LYPLAL1: variants seen among roughly 807,000 people sequenced by gnomAD.
LYPLAL1 encodes the protein lysophospholipase like 1, also known as lysophospholipase-like protein 1.
In LYPLAL1, 23 loss-of-function variants were observed where a neutral mutation model predicts 19.7. The ratio of observed to expected loss-of-function variants is 1.17; its 90% CI spans 0.84 to 1.65. The LOEUF (loss-of-function observed/expected upper bound fraction) is 1.65, where lower values mean the gene tolerates loss of function less well. LYPLAL1 is among the 40% of genes most tolerant of loss of function. LYPLAL1 has a pLI of 0.00. For missense variants in LYPLAL1, 355 were observed against 279.4 expected (o/e 1.27, Z -1.93); for synonymous variants, 119 against 96.3 (o/e 1.24, Z -1.38).
chr1:219,331,233 T>C, the LYPLAL1 span, among the ~76,000 whole-genome samples: 3 of 152,150 alleles, frequency 2.0e-5, no homozygotes, highest in Non-Finnish European at 2.9e-5. Flanking sequence ...ATGACAACCA[T>C]TGCTTGAAGT....
At chr1:219,356,324 A>T in the LYPLAL1 span, among the ~76,000 whole-genome samples, 1 of 152,074 alleles carries the variant, frequency 6.6e-6, no homozygotes, top group Non-Finnish European at 1.5e-5. Context: ...ACAAGATGAA[A>T]CCCTGTCTCT....
chr1:219,188,000 A>G (rs973488110), intron 2 of LYPLAL1, among the ~76,000 whole-genome samples: 1 of 151,872 alleles, frequency 6.6e-6, no homozygotes, highest in Non-Finnish European at 1.5e-5. Context: ...CACAGTGTAG[A>G]TTTTATAAGA....
At chr1:219,443,660 A>G in the LYPLAL1 span, among the ~76,000 whole-genome samples, 1 of 142,880 alleles carries the variant, frequency 7.0e-6, no homozygotes, top group Non-Finnish European at 1.6e-5. Flanking sequence ...AAGTTGCTAC[A>G]GCATATTTTG....
chr1:219,318,542 A>G, the LYPLAL1 span, among the ~76,000 whole-genome samples: 1 of 152,190 alleles, frequency 6.6e-6, no homozygotes, highest in Non-Finnish European at 1.5e-5. Context: ...CCTAGGATGT[A>G]CTTAATAAAT....
chr1:219,185,891 A>G (rs770867010), intron 2 of LYPLAL1, among the ~76,000 whole-genome samples: 2 of 151,972 alleles, frequency 1.3e-5, no homozygotes, highest in African/African-American at 4.8e-5. Flanking sequence ...ACAGTAACAT[A>G]GTACTCTTCC....
At chr1:219,432,996 G>A in the LYPLAL1 span, among the ~76,000 whole-genome samples, 1 of 152,142 alleles carries the variant, frequency 6.6e-6, no homozygotes, top group Non-Finnish European at 1.5e-5. Context: ...AAGCTGCCCA[G>A]GGCAGGTGGA....
At chr1:219,372,977 G>A in the LYPLAL1 span, among the ~76,000 whole-genome samples, 1 of 152,106 alleles carries the variant, frequency 6.6e-6, no homozygotes, top group Non-Finnish European at 1.5e-5. Flanking sequence ...TTCAGAGATT[G>A]ATCACTAAGA....
chr1:219,194,127 G>A (rs1025335083), intron 3 of LYPLAL1, among the ~76,000 whole-genome samples: 9 of 151,816 alleles, frequency 5.9e-5, no homozygotes, highest in African/African-American at 1.7e-4. Context: ...CTGTCTTGGC[G>A]TTAGTTTCCA....
chr1:219,406,496 A>G, the LYPLAL1 span, among the ~76,000 whole-genome samples: 2 of 152,158 alleles, frequency 1.3e-5, no homozygotes, highest in Non-Finnish European at 2.9e-5. Context: ...TTTATTTTCT[A>G]CTAGGCTCTA....
At chr1:219,392,531 G>A in the LYPLAL1 span, among the ~76,000 whole-genome samples, 5 of 152,238 alleles carry the variant, frequency 3.3e-5, no homozygotes, top group Admixed American at 2.0e-4. Context: ...GATAGGTGTC[G>A]TATGCGTACT....
At chr1:219,210,497 A>G (rs550959056) in intron 3 of LYPLAL1, 35 bp from the exon 4 acceptor site, 3 of 509,280 alleles carry the variant, frequency 5.9e-6, no homozygotes, top group African/African-American at 3.6e-5. Context: ...TTATTATTTT[A>G]TGTATTCTAC....
the LYPLAL1 span, among the ~76,000 whole-genome samples, chr1:219,291,003 G>A: frequency 6.6e-6 from 1 of 152,144 alleles, no homozygotes; most frequent in Non-Finnish European, 1.5e-5. Flanking sequence ...AAGTTACTTA[G>A]TATCATTCTG....
At chr1:219,323,592 C>G in the LYPLAL1 span, among the ~76,000 whole-genome samples, 2,699 of 152,212 alleles carry the variant, frequency 0.018, 90 homozygotes, top group African/African-American at 0.061. Flanking sequence ...GGCTCTGTTA[C>G]GGCTGCTCCA....
the LYPLAL1 span, among the ~76,000 whole-genome samples, chr1:219,423,645 C>A: frequency 1.3e-5 from 2 of 152,000 alleles, no homozygotes; most frequent in Non-Finnish European, 1.5e-5. Context: ...CACTTTTATA[C>A]AATTATATGG....
chr1:219,258,093 G>T, the LYPLAL1 span, among the ~76,000 whole-genome samples: 2 of 152,032 alleles, frequency 1.3e-5, no homozygotes, highest in African/African-American at 4.8e-5. Context: ...CAGGCAGTCA[G>T]ACCTTATGGT....
At chr1:219,195,449 C>CA (rs1011406299) in intron 3 of LYPLAL1, among the ~76,000 whole-genome samples, 5 of 149,174 alleles carry the variant, frequency 3.4e-5, no homozygotes, top group African/African-American at 1.2e-4. Context: ...TCTTCATAAG[C>CA]AAAAAAATAG....
At chr1:219,423,276 T>A in the LYPLAL1 span, among the ~76,000 whole-genome samples, 1 of 150,004 alleles carries the variant, frequency 6.7e-6, no homozygotes, top group East Asian at 2.0e-4. Context: ...TACTGGCCGA[T>A]ATCTCCACCC....
the LYPLAL1 span, among the ~76,000 whole-genome samples, chr1:219,227,448 C>T: frequency 6.6e-6 from 1 of 152,156 alleles, no homozygotes; most frequent in Non-Finnish European, 1.5e-5. Context: ...TTAACACTTG[C>T]AAGGTTATTT....
chr1:219,324,812 TCTAA>T, the LYPLAL1 span, among the ~76,000 whole-genome samples: 39 of 152,194 alleles, frequency 2.6e-4, no homozygotes, highest in Non-Finnish European at 5.0e-4. Context: ...AAGTTATTGC[TCTAA>T]CTGATGTTTC....
Sources: gnomAD v4.1 joint callset for allele counts (sites outside exome capture counted in the v4.1 genomes callset) on GRCh38, gnomAD v4.1.1 for gene constraint, MANE v1.5 for transcripts, NCBI Gene and HGNC (gene_info 2026-07-23, HGNC 2026-07-21) for gene names.